DICER1: variants seen among roughly 807,000 people sequenced by gnomAD.
DICER1 encodes the protein endoribonuclease Dicer.
Under a neutral mutation model 194.1 loss-of-function variants are expected in DICER1, and 43 were observed. The ratio of observed to expected loss-of-function variants is 0.22; its 90% CI spans 0.17 to 0.29. The LOEUF (loss-of-function observed/expected upper bound fraction) is 0.29, where lower values mean the gene tolerates loss of function less well. DICER1 is among the 10% of genes least tolerant of loss of function. The pLI is 1.00. For missense variants in DICER1, 1,608 were observed against 2,317.0 expected (o/e 0.69, Z 6.28); for synonymous variants, 832 against 820.5 (o/e 1.01, Z -0.24).
At position 95,094,082 on chromosome 14, in the gene DICER1, G is replaced by C. The variant is rs1207697357; in HGVS notation, c.5170C>G (p.Pro1724Ala). Residue 1724 changes from proline to alanine, a missense_variant, in exon 24 of 27, where the codon CCG becomes GCG. Around this residue, in one of 10 missense-constraint regions of DICER1, gnomAD observed 138 missense variants for 298.3 expected, o/e 0.46. Coordinates refer to ENST00000343455, the MANE Select transcript of DICER1 (RefSeq NM_177438.3). Reference protein sequence around the residue: ...YLITKHLYEDPRQHSPGVLTD... With the variant: ...YLITKHLYEDARQHSPGVLTD... ...AGGACCCCCGGGGAGTGCTGCCGCG[G>C]GTCTTCATAAAGGTGCTTGGTTATG... 4 of 1,613,978 alleles carry C rather than the reference G, an allele frequency of 2.5e-6. No individual in the cohort carries two copies. Among genetic ancestry groups the C allele is most frequent in the Non-Finnish European group, 3.4e-6 (4 of 1,180,026 alleles).
intron 8 of DICER1, among the ~76,000 whole-genome samples, chr14:95,118,610 A>C (rs189598503): frequency 1.6e-3 from 239 of 152,290 alleles, no homozygotes; most frequent in Non-Finnish European, 2.6e-3. Context: ...ATCACATTAC[A>C]CGGGTGCAGA....
intron 1 of DICER1, among the ~76,000 whole-genome samples, chr14:95,148,525 C>T (rs1895293062): frequency 6.6e-6 from 1 of 152,186 alleles, no homozygotes; most frequent in South Asian, 2.1e-4. Flanking sequence ...TCTTTTCATG[C>T]ATTACTGTAT....
chr14:95,093,493 T>C (rs765506385), intron 24 of DICER1, among the ~76,000 whole-genome samples: 13 of 152,224 alleles, frequency 8.5e-5, no homozygotes, highest in Non-Finnish European at 1.6e-4. Flanking sequence ...CCTGAGATAT[T>C]AGCAAATATT....
rs1891967584 is a variant in DICER1 at position 95,111,608 on chromosome 14, A to C, written c.2117-152T>G. The C allele has an allele frequency of 1.7e-5, 14 of 844,720 alleles. No individual in the cohort carries two copies. The South Asian group carries it at 1.9e-4, about 12-fold the overall frequency. The allele number at this position is 844,720 out of a possible 1,614,324, so 52.3% of individuals were successfully genotyped here. A position where few individuals can be genotyped will look rare whatever the true frequency, so the allele number is the denominator to read the frequency against. On this transcript the variant is annotated intron_variant, in intron 13 of 26. Coordinates refer to ENST00000343455, the MANE Select transcript of DICER1 (RefSeq NM_177438.3). Reference sequence around the variant, plus strand: ...ACAATTTAAAAGTAATCAGATTCACACTTCAGGCAAAGTCTATTTTGGCAT... The same window carrying C: ...ACAATTTAAAAGTAATCAGATTCACCCTTCAGGCAAAGTCTATTTTGGCAT...
chr14:95,091,997 C>G (rs1012687576), intron 24 of DICER1, among the ~76,000 whole-genome samples: 1 of 152,162 alleles, frequency 6.6e-6, no homozygotes, highest in Non-Finnish European at 1.5e-5. Context: ...TTTGATGCAG[C>G]AATTGCATCT....
intron 1 of DICER1, among the ~76,000 whole-genome samples, chr14:95,149,590 T>G (rs1895377777): frequency 6.6e-6 from 1 of 152,180 alleles, no homozygotes; most frequent in Non-Finnish European, 1.5e-5. Context: ...GCCATCTCCC[T>G]CAAGAGTATT....
rs116105056 is a variant in DICER1 at position 95,149,246 on chromosome 14, C to T, written c.-46+7984G>A. Reference sequence around the variant, plus strand: ...ACTTAAATACTAAAGGGAGGTCAATCCAGAGACAAAATGAACATAAGAGAC... The same window carrying T: ...ACTTAAATACTAAAGGGAGGTCAATTCAGAGACAAAATGAACATAAGAGAC... On this transcript the variant is annotated intron_variant, in intron 1 of 26. Coordinates refer to ENST00000343455, the MANE Select transcript of DICER1 (RefSeq NM_177438.3). Among the ~76,000 whole-genome samples the T allele has an allele frequency of 7.9e-3, 1,201 of 152,140 alleles. 14 individuals carry two copies. Among genetic ancestry groups the T allele is most frequent in the African/African-American group, 0.028 (1,162 of 41,498 alleles).
At position 95,087,805 on chromosome 14, in the gene DICER1, T is replaced by C. The variant is rs1057035; in HGVS notation, c.*2693A>G. The C allele has an allele frequency of 0.27, 63,250 of 233,052 alleles. 10,371 individuals carry two copies. Among genetic ancestry groups the C allele is most frequent in the Non-Finnish European group, 0.36 (42,355 of 117,964 alleles). The allele number at this position is 233,052 out of a possible 1,614,324, so 14.4% of individuals were successfully genotyped here. A position where few individuals can be genotyped will look rare whatever the true frequency, so the allele number is the denominator to read the frequency against. On this transcript the variant is annotated 3_prime_UTR_variant, in exon 27 of 27. Transcript: ENST00000343455. ...ACGCCTCCCCAGTCCTTTACACACGTGCTCAGGGCACAACCACACCCCACT... is the reference window on the plus strand; with the variant it reads ...ACGCCTCCCCAGTCCTTTACACACGCGCTCAGGGCACAACCACACCCCACT...
At position 95,105,709 on chromosome 14, in the gene DICER1, T is replaced by C; in HGVS notation, c.3062A>G (p.Lys1021Arg). Residue 1021 changes from lysine (K) to arginine (R), a missense_variant, in exon 19 of 27, where the codon AAA (lysine) becomes AGA (arginine). By Grantham distance (26) the Lys-to-Arg change is conservative. Coordinates refer to ENST00000343455, the MANE Select transcript of DICER1 (RefSeq NM_177438.3). The surrounding 1 kb of genome is among the most constrained non-coding windows in gnomAD (Gnocchi z 4.9). The stretch of plus-strand genomic sequence containing the variant: ...ATTCTGCAGACTTTCCCATTTGGCT[T>C]TCCTCTTCTCAGCACTGCTTAAAGG... The part of the protein sequence containing the change: ...ALPLSSAEKR[K>R]AKWESLQNKQ... 6.2e-7 allele frequency: 1 copy of C among 1,614,130 alleles called. No individual in the cohort carries two copies. Among genetic ancestry groups the C allele is most frequent in the Non-Finnish European group, 8.5e-7 (1 of 1,179,928 alleles).
rs1283931383 is a variant in DICER1 at position 95,090,234 on chromosome 14, A to G, written c.*264T>C. 2.0e-6 allele frequency: 1 copy of G among 512,776 alleles called. No individual in the cohort carries two copies. 31.8% of individuals were successfully genotyped at this position (512,776 alleles called of 1,614,324 possible). On this transcript the variant is annotated 3_prime_UTR_variant, in exon 27 of 27. Transcript: ENST00000343455. The stretch of plus-strand genomic sequence containing the variant: ...ACTTGCTAAATGTCATCATTAAAGC[A>G]CTCTTGTGATTTAAACAAAGCAGAA...
At chr14:95,098,391 C>T (rs563525949) in intron 22 of DICER1, among the ~76,000 whole-genome samples, 1 of 152,306 alleles carries the variant, frequency 6.6e-6, no homozygotes, top group African/African-American at 2.4e-5. Context: ...GCAATGCAAC[C>T]AGCCAAAACC....
At position 95,105,315 on chromosome 14, in the gene DICER1, AT is replaced by A; in HGVS notation, c.3094-70del. 1 of 1,323,582 alleles carries A rather than the reference AT, an allele frequency of 7.6e-7. No individual in the cohort carries two copies. The allele number at this position is 1,323,582 out of a possible 1,614,324, so 82.0% of individuals were successfully genotyped here. A position where few individuals can be genotyped will look rare whatever the true frequency, so the allele number is the denominator to read the frequency against. ...ACACAAAAGAAAAAAAAAAAGACCA[AT>A]TTCACTAATGGATAAAGAAAATCAT... On this transcript the variant is annotated intron_variant, in intron 19 of 26. Coordinates refer to ENST00000343455, the MANE Select transcript of DICER1 (RefSeq NM_177438.3). The surrounding 1 kb of genome is among the most constrained non-coding windows in gnomAD (Gnocchi z 4.9).
At chr14:95,131,201 T>C (rs1201653349) in intron 4 of DICER1, among the ~76,000 whole-genome samples, 2 of 152,092 alleles carry the variant, frequency 1.3e-5, no homozygotes, top group African/African-American at 4.8e-5. Context: ...ATTTTTTTAT[T>C]GTTAGTAGAG....
rs1009082865 is a variant in DICER1 at position 95,132,746 on chromosome 14, A to G, written c.145-69T>C. ...TACAAAATTTATAAAATTGGATTTTATTTTAAATCAGGAAATTTCACTATT... is the reference window on the plus strand; with the variant it reads ...TACAAAATTTATAAAATTGGATTTTGTTTTAAATCAGGAAATTTCACTATT... On this transcript the variant is annotated intron_variant, in intron 2 of 26. Coordinates refer to ENST00000343455, the MANE Select transcript of DICER1 (RefSeq NM_177438.3). 16 of 1,477,348 alleles carry G rather than the reference A, an allele frequency of 1.1e-5. No homozygotes were observed. In the East Asian group the frequency reaches 2.6e-4, roughly 24 times the overall value. The allele number at this position is 1,477,348 out of a possible 1,614,324, so 91.5% of individuals were successfully genotyped here.
Position 95,091,244 on chromosome 14 carries a change from G to C in DICER1, c.5486C>G (p.Thr1829Arg), listed in dbSNP as rs1555366196. ...IYMDSGMSLETVWQVYYPMMR... is the reference protein window; with the variant it reads ...IYMDSGMSLERVWQVYYPMMR... ...CATGGGATAGTACACCTGCCAGACT[G>C]TCTCCAGTGACATCCCACTATCCAT... is the stretch of plus-strand genomic sequence containing the variant. Residue 1829 changes from threonine to arginine, a missense_variant, in exon 25 of 27, where the codon ACA becomes AGA. Thr to Arg is a moderately conservative substitution (Grantham distance 71, BLOSUM62 -1). Around this residue, in one of 10 missense-constraint regions of DICER1, gnomAD observed 138 missense variants for 298.3 expected, o/e 0.46. Transcript: ENST00000343455. 6.2e-7 allele frequency: 1 copy of C among 1,614,150 alleles called. No homozygotes were observed. Among genetic ancestry groups the C allele is most frequent in the Non-Finnish European group, 8.5e-7 (1 of 1,180,026 alleles).
rs750457254 is a variant in DICER1 at position 95,103,715 on chromosome 14, G to A, written c.3681C>T (p.Asn1227=). 2 of 1,614,096 alleles carry A rather than the reference G, an allele frequency of 1.2e-6. No individual in the cohort carries two copies. Among genetic ancestry groups the A allele is most frequent in the South Asian group, 2.2e-5 (2 of 91,090 alleles). The change falls in exon 21 of 27, where the codon AAC becomes AAT. Residue 1227 remains asparagine (N), a synonymous_variant. Transcript: ENST00000343455. ...TACATTCATCGCTGGGCTGGGGCTG[G>A]TTCTCGTAACTGTATAAATTCTGAA... ...YSIQNLYSYE[N]QPQPSDECTL...
intron 1 of DICER1, among the ~76,000 whole-genome samples, chr14:95,152,841 C>A (rs1459455619): frequency 6.6e-6 from 1 of 152,162 alleles, no homozygotes; most frequent in East Asian, 1.9e-4. Context: ...CAAAAATAAT[C>A]TTTTTCTTTC....
intron 24 of DICER1, among the ~76,000 whole-genome samples, chr14:95,091,844 T>C (rs1160878529): frequency 1.3e-5 from 2 of 152,196 alleles, no homozygotes; most frequent in Non-Finnish European, 2.9e-5. Flanking sequence ...AGGGAAATTA[T>C]ATTTGAAAGA....
Position 95,095,822 on chromosome 14 carries a change from T to C in DICER1, c.5095+3A>G, listed in dbSNP as rs1179569679. ...AAATGAAGTCTGGTCGTGGGCTCCT[T>C]ACCAGTGATAGTATTGTAGTGGTAG... is the stretch of plus-strand genomic sequence containing the variant. On this transcript the variant is annotated splice_donor_region_variant and intron_variant, in intron 23 of 26. Transcript: ENST00000343455. 4 of 1,614,092 alleles carry C rather than the reference T, an allele frequency of 2.5e-6. No individual in the cohort carries two copies. Among genetic ancestry groups the C allele is most frequent in the East Asian group, 2.2e-5 (1 of 44,880 alleles).
Sources: gnomAD v4.1 joint callset for allele counts (sites outside exome capture counted in the v4.1 genomes callset) on GRCh38, gnomAD v4.1.1 for gene constraint, gnomAD v4.1.1 regional missense constraint, Gnocchi (gnomAD v3.1) non-coding constraint, MANE v1.5 for transcripts, NCBI Gene and HGNC (gene_info 2026-07-23, HGNC 2026-07-21) for gene names.